HEATR1: variants seen among roughly 807,000 people sequenced by gnomAD.
HEATR1 encodes the protein HEAT repeat containing 1.
HEATR1 carries 77 observed loss-of-function variants against 248.2 expected under a neutral mutation model. The ratio of observed to expected loss-of-function variants is 0.31; its 90% CI spans 0.26 to 0.37. HEATR1 has a LOEUF of 0.37. HEATR1 is among the 10% of genes least tolerant of loss of function. The probability of loss-of-function intolerance (pLI) is 1.00; values close to 1 mark genes in which losing one functional copy is unlikely to be tolerated. For synonymous variants in HEATR1, 897 were observed against 923.1 expected, an observed-to-expected ratio of 0.97 and a Z score of 0.51; for missense variants, 2,420 against 2,504.9, an observed-to-expected ratio of 0.97 and a Z score of 0.72.
At chr1:236,572,959 C>G (rs535205424) in intron 24 of HEATR1, 131 bp from the exon 25 acceptor site, 8 of 797,104 alleles carry the variant, frequency 1.0e-5, no homozygotes, top group East Asian at 2.5e-5. Context: ...GCATCTGAAC[C>G]CCCCCCAGCA....
In HEATR1 at chr1:236,590,875, T is replaced by C. The variant is rs1472279920; in HGVS notation, c.1502A>G (p.His501Arg). 2 of 1,518,846 alleles carry C rather than the reference T, an allele frequency of 1.3e-6. No individual in the cohort carries two copies. The highest frequency in any genetic ancestry group is 2.3e-5 in the East Asian group (1 of 43,296). 94.1% of individuals were successfully genotyped at this position (1,518,846 alleles called of 1,614,324 possible). A position where few individuals can be genotyped will look rare whatever the true frequency, so the allele number is the denominator to read the frequency against. Residue 501 changes from histidine to arginine, a missense_variant, in exon 12 of 45, where the codon CAT (histidine) becomes CGT (arginine). Coordinates refer to ENST00000366582, the MANE Select transcript of HEATR1 (RefSeq NM_018072.6). Reference sequence around the variant, plus strand: ...TGATGTTTTCATGATCTTTTTCAAATGATTCATGGCCAGAATTCTCACAGG... The same window carrying C: ...TGATGTTTTCATGATCTTTTTCAAACGATTCATGGCCAGAATTCTCACAGG... Reference protein sequence around the residue: ...LAPVRILAMNHLKKIMKTSKE... With the variant: ...LAPVRILAMNRLKKIMKTSKE...
At chr1:236,593,235 T>C (rs779171307) in intron 9 of HEATR1, among the ~76,000 whole-genome samples, 33 of 151,644 alleles carry the variant, frequency 2.2e-4, no homozygotes, top group Non-Finnish European at 4.4e-4. Flanking sequence ...AGTGTAAGTC[T>C]TCCAATTTGC....
At chr1:236,565,859 C>A in intron 31 of HEATR1, 60 bp downstream of exon 31, 2 of 1,523,782 alleles carry the variant, frequency 1.3e-6, no homozygotes, top group Non-Finnish European at 1.8e-6. Flanking sequence ...AACCTGCATT[C>A]TCTTCTGTTT....
Position 236,585,040 on chromosome 1 carries a change from A to C in HEATR1, c.2226T>G (p.Ser742Arg). Residue 742 changes from serine (S) to arginine (R), a missense_variant, in exon 17 of 45, where the codon AGT becomes AGG. Coordinates refer to ENST00000366582, the MANE Select transcript of HEATR1 (RefSeq NM_018072.6). ...LLQKKIKKLESVITAVEIPSE... is the reference protein window; with the variant it reads ...LLQKKIKKLERVITAVEIPSE... ...CTTTCCTTACCACTGCAGTAATGAC[A>C]CTTTCAAGCTTCTTTATTTTTTTCT... is the stretch of plus-strand genomic sequence containing the variant. 1 of 1,612,874 alleles carries C rather than the reference A, an allele frequency of 6.2e-7. No individual in the cohort carries two copies. The highest frequency in any genetic ancestry group is 8.5e-7 in the Non-Finnish European group (1 of 1,179,604).
chr1:236,563,176 T>C (rs1663177571), intron 32 of HEATR1, among the ~76,000 whole-genome samples: 1 of 152,246 alleles, frequency 6.6e-6, no homozygotes, highest in Non-Finnish European at 1.5e-5. Context: ...TAATATTTCA[T>C]CATTAGGTAT....
intron 44 of HEATR1, 158 bp from the exon 45 acceptor site, chr1:236,551,148 C>T: frequency 3.3e-6 from 2 of 599,734 alleles, no homozygotes. Flanking sequence ...CCACGGACCG[C>T]CTCCCTCCAC....
intron 39 of HEATR1, 32 bp from the exon 40 acceptor site, chr1:236,555,687 C>T: frequency 6.2e-7 from 1 of 1,609,200 alleles, no homozygotes; most frequent in East Asian, 2.2e-5. Context: ...TATTAGAGTG[C>T]TGATACCTGA....
intron 1 of HEATR1, 36 bp downstream of exon 1, chr1:236,604,386 A>C: frequency 3.4e-6 from 1 of 292,812 alleles, no homozygotes; most frequent in Non-Finnish European, 6.2e-6. Context: ...TGCCGCCCCC[A>C]TCCGCAGCCA....
intron 6 of HEATR1, among the ~76,000 whole-genome samples, 168 bp downstream of exon 6, chr1:236,596,668 G>C (rs1434141220): frequency 6.6e-6 from 1 of 152,212 alleles, no homozygotes; most frequent in Admixed American, 6.5e-5. Flanking sequence ...TCCCAGGCCA[G>C]TGAGTTTCTA....
intron 31 of HEATR1, 105 bp from the exon 32 acceptor site, chr1:236,564,766 A>C: frequency 9.4e-7 from 1 of 1,068,798 alleles, no homozygotes; most frequent in Non-Finnish European, 1.3e-6. Flanking sequence ...ACGGGATAAC[A>C]TTTTCCCAGA....
Position 236,571,671 on chromosome 1 carries a change from C to G in HEATR1, c.3723G>C (p.Leu1241Phe), listed in dbSNP as rs887404006. Residue 1241 changes from leucine to phenylalanine, a missense_variant, in exon 27 of 45, where the codon TTG becomes TTC. Leu to Phe is a conservative substitution (Grantham distance 22). Coordinates refer to ENST00000366582, the MANE Select transcript of HEATR1 (RefSeq NM_018072.6). ...FNLLSRCLEP[L>F]PQEQGNMEYT... ...ATTCCATATTTCCCTGCTCTTGTGGCAAGGGTTCTAAACATCTTCAGGACA... is the reference window on the plus strand; with the variant it reads ...ATTCCATATTTCCCTGCTCTTGTGGGAAGGGTTCTAAACATCTTCAGGACA... The G allele has an allele frequency of 1.2e-6, 2 of 1,612,702 alleles. No homozygotes were observed. The highest frequency in any genetic ancestry group is 1.7e-6 in the Non-Finnish European group (2 of 1,178,852).
At chr1:236,563,220 A>C (rs1663179393) in intron 32 of HEATR1, among the ~76,000 whole-genome samples, 1 of 152,176 alleles carries the variant, frequency 6.6e-6, no homozygotes, top group Non-Finnish European at 1.5e-5. Flanking sequence ...TGTCACCTTT[A>C]TTAGGCCAAA....
chr1:236,572,800 A>T lies in HEATR1; in HGVS notation c.3488T>A (p.Ile1163Lys). Residue 1163 changes from isoleucine to lysine, a missense_variant, in exon 25 of 45, where the codon ATA becomes AAA. By Grantham distance (102) the Ile-to-Lys change is moderately radical. Coordinates refer to ENST00000366582, the MANE Select transcript of HEATR1 (RefSeq NM_018072.6). ...AGCTTTATCTGGTGGCTCCAGTTCTATTCGGACTTGTTCAGCATTAACGGA... is the reference window on the plus strand; with the variant it reads ...AGCTTTATCTGGTGGCTCCAGTTCTTTTCGGACTTGTTCAGCATTAACGGA... ...GISVNAEQVR[I>K]ELEPPDKAKP... The T allele has an allele frequency of 6.2e-7, 1 of 1,613,978 alleles. No homozygotes were observed. The highest frequency in any genetic ancestry group is 1.1e-5 in the South Asian group (1 of 91,084).
chr1:236,551,059 T>A, intron 44 of HEATR1, 69 bp from the exon 45 acceptor site: 1 of 1,180,514 alleles, frequency 8.5e-7, no homozygotes. Flanking sequence ...CTCATTAGTT[T>A]AATTCTTAAT....
intron 8 of HEATR1, 120 bp downstream of exon 8, chr1:236,595,420 A>C: frequency 1.2e-6 from 1 of 800,314 alleles, no homozygotes; most frequent in Non-Finnish European, 1.9e-6. Context: ...TAGACAAGTT[A>C]CACAAGAACA....
At chr1:236,557,767 C>T (rs1182287807) in intron 36 of HEATR1, among the ~76,000 whole-genome samples, 1 of 152,160 alleles carries the variant, frequency 6.6e-6, no homozygotes, top group East Asian at 1.9e-4. Flanking sequence ...CAGCAGAAGG[C>T]AGCTTTGGCC....
intron 30 of HEATR1, among the ~76,000 whole-genome samples, 184 bp downstream of exon 30, chr1:236,566,462 G>A (rs891074895): frequency 7.2e-5 from 11 of 152,126 alleles, no homozygotes; most frequent in Non-Finnish European, 1.6e-4. Flanking sequence ...AGGATATTCA[G>A]AGTGCTATGG....
In HEATR1 at chr1:236,585,831, T is replaced by A. The variant is rs376159886; in HGVS notation, c.2038A>T (p.Met680Leu). 1 of 1,612,690 alleles carries A rather than the reference T, an allele frequency of 6.2e-7. No individual in the cohort carries two copies. Among genetic ancestry groups the A allele is most frequent in the South Asian group, 1.1e-5 (1 of 90,982 alleles). Residue 680 changes from methionine (M) to leucine (L), a missense_variant, in exon 16 of 45, where the codon ATG (methionine) becomes TTG (leucine). Transcript: ENST00000366582. ...CAAAGCATACTTACCATCTTTAACA[T>A]TGAAGAAGGATCTCCTAAATTTATA... ...DNINLGDPSS[M>L]LKMVEDLISV...
In HEATR1 at chr1:236,595,555, T is replaced by C. The variant is rs1220752375; in HGVS notation, c.1075A>G (p.Ile359Val). 3.7e-6 allele frequency: 6 copies of C among 1,611,570 alleles called. No individual in the cohort carries two copies. The highest frequency in any genetic ancestry group is 1.7e-4 in the Middle Eastern group (1 of 6,056). The change falls in exon 8 of 45, where the codon ATT becomes GTT. Residue 359 changes from isoleucine (I) to valine (V), a missense_variant. Transcript: ENST00000366582. ...AACCACACACCTGTAACATGATGAA[T>C]GATGGAGACGACCAGATGGGGAAGC... ...YMLPHLVVSI[I>V]HHVTGEETEG...
Sources: gnomAD v4.1 joint callset for allele counts (sites outside exome capture counted in the v4.1 genomes callset) on GRCh38, gnomAD v4.1.1 for gene constraint, MANE v1.5 for transcripts, NCBI Gene and HGNC (gene_info 2026-07-23, HGNC 2026-07-21) for gene names.